STAU1: variants seen among roughly 807,000 people sequenced by gnomAD.
STAU1 encodes double-stranded RNA-binding protein Staufen homolog 1.
STAU1 carries 13 observed loss-of-function variants against 62.9 expected under a neutral mutation model. The observed-to-expected ratio is 0.21, with a 90% CI of 0.13 to 0.33. STAU1 has a LOEUF of 0.33. STAU1 is among the 10% of genes least tolerant of loss of function. STAU1 has a pLI of 1.00. For missense variants in STAU1, 571 were observed against 712.1 expected (o/e 0.80, Z 2.25); for synonymous variants, 269 against 265.1 (o/e 1.01, Z -0.14).
At chr20:49,210,806 T>G in the STAU1 span, among the ~76,000 whole-genome samples, 3 of 152,238 alleles carry the variant, frequency 2.0e-5, no homozygotes, top group African/African-American at 7.2e-5. Context: ...TATATTGAAG[T>G]GAATTCACAT....
intron 5 of STAU1, among the ~76,000 whole-genome samples, chr20:49,144,688 G>T (rs537546556): frequency 6.6e-6 from 1 of 152,152 alleles, no homozygotes; most frequent in Non-Finnish European, 1.5e-5. Flanking sequence ...TCAAAAGATG[G>T]TGTCTCTAGT....
chr20:49,136,289 C>T (rs973424385), intron 5 of STAU1, among the ~76,000 whole-genome samples: 1 of 152,066 alleles, frequency 6.6e-6, no homozygotes, highest in African/African-American at 2.4e-5. Context: ...GGTGACACAG[C>T]GAGACGCTGT....
chr20:49,217,359 C>T, the STAU1 span, among the ~76,000 whole-genome samples: 2 of 152,000 alleles, frequency 1.3e-5, no homozygotes, highest in Admixed American at 6.6e-5. Flanking sequence ...TGGAGTCCCA[C>T]CCCAGGTACA....
intron 8 of STAU1, among the ~76,000 whole-genome samples, chr20:49,122,318 G>A (rs1317354969): frequency 6.6e-6 from 1 of 152,142 alleles, no homozygotes; most frequent in Non-Finnish European, 1.5e-5. Flanking sequence ...AGGAGGAAGA[G>A]GAACAGATCT....
chr20:49,170,166 T>C (rs574149971), intron 2 of STAU1, among the ~76,000 whole-genome samples: 3 of 152,280 alleles, frequency 2.0e-5, no homozygotes, highest in East Asian at 1.9e-4. Context: ...GACTAGACCA[T>C]ACTGAGCACA....
At chr20:49,207,803 A>C in the STAU1 span, among the ~76,000 whole-genome samples, 1 of 152,168 alleles carries the variant, frequency 6.6e-6, no homozygotes, top group African/African-American at 2.4e-5. Context: ...TATAGGCGTG[A>C]GCCACCACGC....
chr20:49,157,264 ATGTT>A (rs2093374797), intron 3 of STAU1, among the ~76,000 whole-genome samples: 1 of 152,292 alleles, frequency 6.6e-6, no homozygotes, highest in African/African-American at 2.4e-5. Flanking sequence ...AATTAAGACA[ATGTT>A]TGTTTTGATG....
At chr20:49,189,909 C>G (rs1054026226), upstream of STAU1, among the ~76,000 whole-genome samples, 2 of 152,280 alleles carry the variant, frequency 1.3e-5, no homozygotes, top group Admixed American at 6.5e-5. Context: ...GGCTTTGGAG[C>G]CTTAGCGAAG....
chr20:49,208,855 C>T, the STAU1 span, among the ~76,000 whole-genome samples: 1 of 151,612 alleles, frequency 6.6e-6, no homozygotes, highest in Non-Finnish European at 1.5e-5. Context: ...ATCTCCTGAC[C>T]TCCTGATCCG....
rs374331220 is a variant in STAU1 at position 49,138,870 on chromosome 20, T to C, written c.511-2939A>G. On this transcript the variant is annotated intron_variant, in intron 5 of 13. Transcript: ENST00000371856. ...TTTTTTATGAGTGAATCCTTAAAAC[T>C]GGCAATTTGCAAGCAAGGTACCTTA... is the stretch of plus-strand genomic sequence containing the variant. 9.2e-5 allele frequency among the ~76,000 whole-genome samples: 14 copies of C among 152,240 alleles called. 1 individual carries two copies. The highest frequency in any genetic ancestry group is 7.7e-4 in the East Asian group (4 of 5,186).
intron 6 of STAU1, chr20:49,134,676 G>C (rs1483579078): frequency 1.8e-6 from 2 of 1,116,890 alleles, no homozygotes; most frequent in African/African-American, 3.1e-5. Context: ...GAAGCTGATA[G>C]GACCTTGATA....
At chr20:49,131,155 A>C (rs2092739517) in intron 6 of STAU1, among the ~76,000 whole-genome samples, 1 of 152,246 alleles carries the variant, frequency 6.6e-6, no homozygotes, top group Admixed American at 6.5e-5. Context: ...CCACTGTACA[A>C]AAATAACTGA....
chr20:49,174,250 G>C lies in STAU1; in HGVS notation c.-140C>G, dbSNP rs1288434246. 3 of 152,162 alleles carry C rather than the reference G, an allele frequency of 2.0e-5. No homozygotes were observed. The highest frequency in any genetic ancestry group is 7.2e-5 in the African/African-American group (3 of 41,424). The allele number at this position is 152,162 out of a possible 1,614,324, so 9.4% of individuals were successfully genotyped here. A position where few individuals can be genotyped will look rare whatever the true frequency, so the allele number is the denominator to read the frequency against. ...ATGTTGTCTTTGTTCAGTTCTGAGA[G>C]GTTAAGTGGTTAATAAACTCTGGAA... On this transcript the variant is annotated 5_prime_UTR_variant, in exon 2 of 14. Transcript: ENST00000371856.
intron 2 of STAU1, among the ~76,000 whole-genome samples, chr20:49,170,940 T>C (rs777181654): frequency 6.6e-6 from 1 of 152,232 alleles, no homozygotes; most frequent in Non-Finnish European, 1.5e-5. Context: ...AGCACTCCTG[T>C]GCCTCGCTGT....
At position 49,187,773 on chromosome 20, in the gene STAU1, A is replaced by ACCC. The variant is rs748894566; in HGVS notation, c.-160+340_-160+342dup. Among the ~76,000 whole-genome samples, 5 of 20,318 alleles carry ACCC rather than the reference A, an allele frequency of 2.5e-4. No homozygotes were observed. In the East Asian group the frequency reaches 4.7e-3, roughly 19 times the overall value. The allele number at this position is 20,318 out of a possible 152,430, so 13.3% of individuals were successfully genotyped here. A position where few individuals can be genotyped will look rare whatever the true frequency, so the allele number is the denominator to read the frequency against. On this transcript the variant is annotated intron_variant, in intron 1 of 13. Transcript: ENST00000371856. ...CAGCCCTCGGGGACCTGAAGCAGGG[A>ACCC]CCCCCCCCCCCCCCCGCCTGCGCCC...
intron 5 of STAU1, among the ~76,000 whole-genome samples, chr20:49,136,476 A>C (rs1171240097): frequency 6.6e-6 from 1 of 152,154 alleles, no homozygotes; most frequent in African/African-American, 2.4e-5. Context: ...TTCACCAAAA[A>C]CAATCCGCAC....
chr20:49,134,899 T>C (rs2092840596), intron 6 of STAU1: 2 of 1,590,704 alleles, frequency 1.3e-6, no homozygotes, highest in Admixed American at 1.7e-5. Flanking sequence ...GGCAAGAGAC[T>C]GGACTGAGAC....
chr20:49,136,000 C>T (rs2092874646), intron 5 of STAU1, 69 bp from the exon 6 acceptor site: 1 of 1,218,860 alleles, frequency 8.2e-7, no homozygotes, highest in Admixed American at 2.0e-5. Context: ...TTGGTTCATG[C>T]TTGTAATCCC....
At chr20:49,148,539 G>C (rs916665233) in intron 5 of STAU1, among the ~76,000 whole-genome samples, 1 of 152,220 alleles carries the variant, frequency 6.6e-6, no homozygotes, top group African/African-American at 2.4e-5. Context: ...CTGAATTAAT[G>C]ACTCTTCACT....
Sources: allele counts gnomAD v4.1 joint callset (sites outside exome capture counted in the v4.1 genomes callset), GRCh38; gene constraint gnomAD v4.1.1; transcripts MANE v1.5; gene names NCBI Gene and HGNC (gene_info 2026-07-23, HGNC 2026-07-21).